TNFRSF14: variants seen among roughly 807,000 people sequenced by gnomAD.
The protein encoded by TNFRSF14 is TNF receptor superfamily member 14, also known as tumor necrosis factor receptor superfamily member 14.
Under a neutral mutation model 34.1 loss-of-function variants are expected in TNFRSF14, and 18 were observed. That is an observed-to-expected ratio of 0.53 (90% confidence interval 0.36 to 0.78). TNFRSF14 has a LOEUF of 0.78. Ranked by LOEUF, TNFRSF14 falls within the 30% of genes least tolerant of loss-of-function variation. The pLI, the probability that TNFRSF14 is intolerant of heterozygous loss-of-function variation, is 0.00. For missense variants in TNFRSF14, 352 were observed against 379.5 expected (o/e 0.93, Z 0.60); for synonymous variants, 157 against 153.2 (o/e 1.02, Z -0.18).
At chr1:2,560,921 C>T (rs1644299647) in intron 5 of TNFRSF14, 4 of 570,952 alleles carry the variant, frequency 7.0e-6, no homozygotes, top group Admixed American at 3.3e-5. Context: ...GACAAAGCCT[C>T]ATCAGATCTG....
upstream of TNFRSF14, chr1:2,555,409 C>G (rs976740342): frequency 6.6e-6 from 1 of 152,294 alleles, no homozygotes; most frequent in Non-Finnish European, 1.5e-5. The surrounding 1 kb of genome is among the most constrained non-coding windows in gnomAD (Gnocchi z 6.3). Flanking sequence ...CCTGCCAACT[C>G]TCCTGCAGGT....
chr1:2,561,807 A>G lies in TNFRSF14; in HGVS notation c.686A>G (p.Lys229Arg), dbSNP rs989851839. ...CTAATCATATGTGTGAAAAGAAGAA[A>G]GCCAAGGGGTGAGCACACGGCGGCC... ...VGLIICVKRR[K>R]PRGDVVKVIV... The change falls in exon 6 of 8, where the codon AAG becomes AGG. Residue 229 changes from lysine to arginine, a missense_variant. Lys to Arg is a conservative substitution (Grantham distance 26, BLOSUM62 2). Transcript: ENST00000355716. This position sits in a 1 kb window ranked among gnomAD's most constrained non-coding sequence, Gnocchi z 6.0. The G allele has an allele frequency of 6.9e-5, 111 of 1,613,564 alleles. No homozygotes were observed. Among genetic ancestry groups the G allele is most frequent in the Non-Finnish European group, 9.1e-5 (107 of 1,179,950 alleles).
At chr1:2,559,737 G>T in intron 3 of TNFRSF14, 86 bp from the exon 4 acceptor site, 1 of 1,540,676 alleles carries the variant, frequency 6.5e-7, no homozygotes, top group East Asian at 2.4e-5. Flanking sequence ...CCTGGCAGCA[G>T]TCCTTGGCCT....
intron 1 of TNFRSF14, 175 bp downstream of exon 1, chr1:2,556,908 A>C: frequency 4.8e-6 from 3 of 622,884 alleles, no homozygotes; most frequent in African/African-American, 1.8e-5. Context: ...TGGGCTCACC[A>C]CAGTGGGGTG....
rs1644306097 is a variant in TNFRSF14 at position 2,561,396 on chromosome 1, C to T, written c.552-277C>T. Reference sequence around the variant, plus strand: ...CTGGGGTCTCTGCACTGCTGGCTGCCTCCCGCTTCTCTCCCCTCTCCCTCT... The same window carrying T: ...CTGGGGTCTCTGCACTGCTGGCTGCTTCCCGCTTCTCTCCCCTCTCCCTCT... On this transcript the variant is annotated intron_variant, in intron 5 of 7. Coordinates refer to ENST00000355716, the MANE Select transcript of TNFRSF14 (RefSeq NM_003820.4). The surrounding 1 kb of genome is among the most constrained non-coding windows in gnomAD (Gnocchi z 6.0). 1 of 1,254,598 alleles carries T rather than the reference C, an allele frequency of 8.0e-7. No individual in the cohort carries two copies. Among genetic ancestry groups the T allele is most frequent in the South Asian group, 1.5e-5 (1 of 64,996 alleles). The allele number at this position is 1,254,598 out of a possible 1,614,324, so 77.7% of individuals were successfully genotyped here. A position where few individuals can be genotyped will look rare whatever the true frequency, so the allele number is the denominator to read the frequency against.
rs751701410 is a variant in TNFRSF14 at position 2,556,434 on chromosome 1, C to T, written c.-231C>T. The T allele has an allele frequency of 4.3e-6, 3 of 696,378 alleles. No homozygotes were observed. In the South Asian group the frequency reaches 4.5e-5, roughly 10 times the overall value. 43.1% of individuals were successfully genotyped at this position (696,378 alleles called of 1,614,324 possible). On this transcript the variant is annotated 5_prime_UTR_variant, in exon 1 of 8. Transcript: ENST00000355716. ...TGCCTCCCGCAGGGCCCACCTGTGT[C>T]CCCCAGCGCCGCTCCACCCAGCAGG... is the stretch of plus-strand genomic sequence containing the variant.
At chr1:2,559,677 C>A (rs1644275694) in intron 3 of TNFRSF14, 146 bp from the exon 4 acceptor site, 2 of 1,535,536 alleles carry the variant, frequency 1.3e-6, no homozygotes, top group African/African-American at 2.7e-5. Flanking sequence ...ATGCTGGGTA[C>A]CTCTGGGCAC....
At position 2,563,573 on chromosome 1, in the gene TNFRSF14, C is replaced by T. The variant is rs1644343701; in HGVS notation, c.*300C>T. On this transcript the variant is annotated 3_prime_UTR_variant, in exon 8 of 8. Coordinates refer to ENST00000355716, the MANE Select transcript of TNFRSF14 (RefSeq NM_003820.4). ...CTCACAGACCACACACCCAGCCCTC[C>T]TGGGCCAGCCCAGAGGGCCCTTCAG... 7.5e-6 allele frequency: 3 copies of T among 398,456 alleles called. No individual in the cohort carries two copies. The South Asian group carries it at 1.4e-4, about 18-fold the overall frequency. 24.7% of individuals were successfully genotyped at this position (398,456 alleles called of 1,614,324 possible). A position where few individuals can be genotyped will look rare whatever the true frequency, so the allele number is the denominator to read the frequency against.
chr1:2,562,582 C>T (rs752282351), intron 6 of TNFRSF14: 22 of 579,728 alleles, frequency 3.8e-5, no homozygotes, highest in Middle Eastern at 4.6e-4. Flanking sequence ...CCATAGATGA[C>T]GGTTGAATTA....
upstream of TNFRSF14, chr1:2,556,134 G>A: frequency 2.7e-6 from 1 of 371,700 alleles, no homozygotes; most frequent in South Asian, 2.2e-5. Flanking sequence ...GTTTTATTCG[G>A]AAGGGAAGTT....
intron 2 of TNFRSF14, 143 bp downstream of exon 2, chr1:2,557,977 G>A (rs1057428492): frequency 1.1e-5 from 8 of 728,680 alleles, no homozygotes; most frequent in African/African-American, 1.1e-4. Flanking sequence ...AGACAGTGAG[G>A]GCAGAACCCC....
At chr1:2,558,535 C>T in intron 3 of TNFRSF14, 67 bp downstream of exon 3, 1 of 1,595,114 alleles carries the variant, frequency 6.3e-7, no homozygotes, top group Non-Finnish European at 8.5e-7. Context: ...ACCCTGCACC[C>T]TCTCTCCATG....
intron 6 of TNFRSF14, 198 bp downstream of exon 6, chr1:2,562,013 G>A (rs1644317306): frequency 6.3e-6 from 4 of 638,780 alleles, no homozygotes; most frequent in South Asian, 5.7e-5. Context: ...CTGGGGGAAG[G>A]GAAGGTGGGA....
intron 3 of TNFRSF14, chr1:2,559,576 T>C (rs1199584657): frequency 1.3e-6 from 2 of 1,527,784 alleles, no homozygotes; most frequent in Admixed American, 2.0e-5. Context: ...GTTTCTCCCA[T>C]CAACGAAGCC....
intron 1 of TNFRSF14, chr1:2,557,062 C>T (rs928284696): frequency 5.8e-6 from 2 of 346,482 alleles, no homozygotes; most frequent in East Asian, 4.5e-5. Context: ...CGTCTCTGGG[C>T]GGGGCCCTCG....
Position 2,561,441 on chromosome 1 carries a change from C to A in TNFRSF14, c.552-232C>A. The A allele has an allele frequency of 6.8e-7, 1 of 1,468,908 alleles. No homozygotes were observed. The highest frequency in any genetic ancestry group is 1.4e-5 in the South Asian group (1 of 73,532). 91.0% of individuals were successfully genotyped at this position (1,468,908 alleles called of 1,614,324 possible). On this transcript the variant is annotated intron_variant, in intron 5 of 7. Coordinates refer to ENST00000355716, the MANE Select transcript of TNFRSF14 (RefSeq NM_003820.4). The surrounding 1 kb of genome is among the most constrained non-coding windows in gnomAD (Gnocchi z 6.0). ...CCCTCTGCCGTCCTGTCTCCTTTGC[C>A]CAGTCTCTCCTTGTTTCTCTTCTCC... is the stretch of plus-strand genomic sequence containing the variant.
upstream of TNFRSF14, chr1:2,556,323 G>A (rs1428367540): frequency 1.7e-5 from 10 of 600,848 alleles, no homozygotes; most frequent in East Asian, 3.4e-5. Flanking sequence ...GGAGTGGACT[G>A]GAATGGTGCA....
chr1:2,558,900 C>G, intron 3 of TNFRSF14: 1 of 1,356,010 alleles, frequency 7.4e-7, no homozygotes. Flanking sequence ...CCCCCTGTGA[C>G]CTCAGGGGAA....
intron 3 of TNFRSF14, chr1:2,559,480 C>T (rs1449372759): frequency 1.4e-6 from 2 of 1,443,312 alleles, no homozygotes; most frequent in South Asian, 1.2e-5. Flanking sequence ...TCTGGGTGGG[C>T]ACGTGGGGCG....
Sources: allele counts gnomAD v4.1 joint callset, GRCh38; gene constraint gnomAD v4.1.1; non-coding constraint Gnocchi (gnomAD v3.1); transcripts MANE v1.5; gene names NCBI Gene and HGNC (gene_info 2026-07-23, HGNC 2026-07-21).